The following FLYWCH1 variants were observed in gnomAD, a reference collection of about 807,000 sequenced individuals.
FLYWCH1 encodes the protein FLYWCH-type zinc finger-containing protein 1.
FLYWCH1 carries 75 observed loss-of-function variants against 66.4 expected under a neutral mutation model. The ratio of observed to expected loss-of-function variants is 1.13; its 90% CI spans 0.94 to 1.37. The LOEUF is 1.37. Among genes scored for constraint, FLYWCH1 ranks in the 40% most tolerant of loss-of-function variants. The probability of loss-of-function intolerance (pLI) is 0.00; values close to 1 mark genes in which losing one functional copy is unlikely to be tolerated. For missense variants in FLYWCH1, 1,334 were observed against 1,001.8 expected, an observed-to-expected ratio of 1.33 and a Z score of -4.48; for synonymous variants, 595 against 429.9, an observed-to-expected ratio of 1.38 and a Z score of -4.75.
rs918761215 is a variant in FLYWCH1, at chr16:2,930,788, T to C, written c.704T>C (p.Val235Ala). ...PEEPEPTPGL[V>A]LSKPALEEEE... is the part of the protein sequence containing the mutation. The stretch of plus-strand genomic sequence containing the variant: ...GAGCCCGAGCCCACTCCTGGGCTGG[T>C]GCTGAGCAAGCCGGCCCTGGAGGAG... The change falls in exon 4 of 10, where the codon GTG (valine) becomes GCG (alanine). Residue 235 changes from valine to alanine, a missense_variant. Transcript: ENST00000253928. 1 of 1,592,762 alleles carries C rather than the reference T, an allele frequency of 6.3e-7. No individual in the cohort carries two copies. Among genetic ancestry groups the C allele is most frequent in the African/African-American group, 1.3e-5 (1 of 74,506 alleles).
chr16:2,934,542 C>A, intron 6 of FLYWCH1: 2 of 431,826 alleles, frequency 4.6e-6, no homozygotes, highest in East Asian at 7.1e-5. Flanking sequence ...CGTAAATGTC[C>A]CCATAGCGTC....
In FLYWCH1 at chr16:2,940,090, TG is replaced by T. The variant is rs1332517207; in HGVS notation, c.2111+1del. ...GTTCTCCTGAAAGCCAGCAGATTTA[TG>T]GGTAATTGTATTTGTTATCTAATGG... ...TCSPESQQIY[G>X]DIKDVRLDGE... On this transcript the variant is annotated frameshift_variant and splice_region_variant, in exon 9 of 10. Transcript: ENST00000253928. LOFTEE classifies it low-confidence loss of function (END_TRUNC). The T allele has an allele frequency of 1.5e-6, 2 of 1,305,800 alleles. No homozygotes were observed. Among genetic ancestry groups the T allele is most frequent in the Non-Finnish European group, 2.2e-6 (2 of 900,112 alleles). The allele number at this position is 1,305,800 out of a possible 1,614,324, so 80.9% of individuals were successfully genotyped here.
intron 6 of FLYWCH1, chr16:2,935,994 C>T (rs11639733): frequency 0.053 from 9,379 of 178,128 alleles, 319 homozygotes; most frequent in Middle Eastern, 0.085. Flanking sequence ...ACTGCAACCT[C>T]TGTCTCCCAG....
At chr16:2,927,872 G>A (rs1231799356) in intron 2 of FLYWCH1, among the ~76,000 whole-genome samples, 1 of 152,218 alleles carries the variant, frequency 6.6e-6, no homozygotes, top group Non-Finnish European at 1.5e-5. Context: ...TATGTGCGAG[G>A]ACCCGCACTG....
At chr16:2,943,262 G>C (rs2071345907) in intron 9 of FLYWCH1, 1 of 152,088 alleles carries the variant, frequency 6.6e-6, no homozygotes, top group African/African-American at 2.4e-5. Flanking sequence ...CACAGCTCGA[G>C]GCTGGAGGAT....
chr16:2,934,005 G>A, intron 6 of FLYWCH1, 26 bp downstream of exon 6: 2 of 1,496,888 alleles, frequency 1.3e-6, no homozygotes, highest in Non-Finnish European at 1.8e-6. Context: ...CTGGGAGCTG[G>A]GCCCCAGGAA....
intron 2 of FLYWCH1, 32 bp from the exon 3 acceptor site, chr16:2,929,581 C>T (rs1376469453): frequency 4.1e-5 from 57 of 1,401,210 alleles, no homozygotes; most frequent in Non-Finnish European, 5.2e-5. Flanking sequence ...CAAGGGCTTC[C>T]ACCACTGACG....
intron 9 of FLYWCH1, among the ~76,000 whole-genome samples, chr16:2,947,474 A>G (rs2071532033): frequency 6.6e-6 from 1 of 152,116 alleles, no homozygotes; most frequent in Admixed American, 6.6e-5. Flanking sequence ...AAAAGCAAAA[A>G]TCCCAGCCAG....
chr16:2,940,116 G>A (rs1434942864), intron 9 of FLYWCH1, 24 bp downstream of exon 9: 3 of 1,051,610 alleles, frequency 2.9e-6, no homozygotes, highest in Non-Finnish European at 4.5e-6. Flanking sequence ...TTATCTAATG[G>A]TGCATGACCA....
At chr16:2,944,308 T>G (rs939021769) in intron 9 of FLYWCH1, among the ~76,000 whole-genome samples, 1 of 149,760 alleles carries the variant, frequency 6.7e-6, no homozygotes, top group Non-Finnish European at 1.5e-5. Flanking sequence ...GAGAATCGCT[T>G]GAAACTGGGA....
chr16:2,944,738 G>A lies in FLYWCH1; in HGVS notation c.2112-3950G>A, dbSNP rs147648232. Among the ~76,000 whole-genome samples, 1,076 of 149,816 alleles carry A rather than the reference G, an allele frequency of 7.2e-3. 10 individuals are homozygous for A. The highest frequency in any genetic ancestry group is 0.024 in the African/African-American group (998 of 40,756). On this transcript the variant is annotated intron_variant, in intron 9 of 9. Transcript: ENST00000253928. ...CTTGGGAGGCTGAGGCGTGAGAATC[G>A]CTTAACCTGGGAGGTGGAGGTTGCA... is the stretch of plus-strand genomic sequence containing the variant.
intron 2 of FLYWCH1, among the ~76,000 whole-genome samples, chr16:2,924,438 T>C (rs978438735): frequency 2.0e-5 from 3 of 152,100 alleles, no homozygotes; most frequent in Non-Finnish European, 2.9e-5. Context: ...CTTGAAATAA[T>C]AGGAGTTCCC....
At chr16:2,939,621 C>G in intron 8 of FLYWCH1, 1 of 167,980 alleles carries the variant, frequency 6.0e-6, no homozygotes, top group South Asian at 1.4e-4. Context: ...AGGGGAGGAT[C>G]ACTCTAGCCC....
chr16:2,946,705 G>C (rs866842166), intron 9 of FLYWCH1, among the ~76,000 whole-genome samples: 17 of 152,206 alleles, frequency 1.1e-4, no homozygotes, highest in South Asian at 1.0e-3. Context: ...CAGAAGATTT[G>C]ATTTCTGCCA....
At chr16:2,921,477 G>A (rs765603305) in intron 2 of FLYWCH1, among the ~76,000 whole-genome samples, 5 of 151,972 alleles carry the variant, frequency 3.3e-5, no homozygotes, top group South Asian at 2.1e-4. Flanking sequence ...TGGGAGGATC[G>A]CTTGATCCCA....
intron 4 of FLYWCH1, among the ~76,000 whole-genome samples, chr16:2,932,714 A>C (rs2070810789): frequency 6.6e-6 from 1 of 152,130 alleles, no homozygotes; most frequent in South Asian, 2.1e-4. Context: ...TTTGTTAAAC[A>C]AAACCTAAAA....
At chr16:2,932,151 G>T (rs1188226871) in intron 4 of FLYWCH1, among the ~76,000 whole-genome samples, 1 of 151,090 alleles carries the variant, frequency 6.6e-6, no homozygotes, top group Non-Finnish European at 1.5e-5. Context: ...TGGGCGTGGA[G>T]GCGCCTGCAA....
chr16:2,945,181 C>G (rs1365136154), intron 9 of FLYWCH1, among the ~76,000 whole-genome samples: 1 of 151,962 alleles, frequency 6.6e-6, no homozygotes, highest in Non-Finnish European at 1.5e-5. Context: ...GAAACTCCAT[C>G]TCTACTACTA....
intron 2 of FLYWCH1, among the ~76,000 whole-genome samples, chr16:2,921,735 G>A (rs2070382132): frequency 6.6e-6 from 1 of 151,470 alleles, no homozygotes; most frequent in African/African-American, 2.4e-5. Context: ...GGTTTAGGCT[G>A]TAGTGAAATC....
Sources: allele counts gnomAD v4.1 joint callset (sites outside exome capture counted in the v4.1 genomes callset), GRCh38; gene constraint gnomAD v4.1.1; transcripts MANE v1.5; gene names NCBI Gene and HGNC (gene_info 2026-07-23, HGNC 2026-07-21).